The following HPCAL1 variants were observed in gnomAD, a reference collection of about 807,000 sequenced individuals.
HPCAL1 encodes hippocalcin like 1.
In HPCAL1, 8 loss-of-function variants were observed where a neutral mutation model predicts 17.1. That is an observed-to-expected ratio of 0.47 (90% confidence interval 0.27 to 0.84). The LOEUF is 0.84. Ranked by LOEUF, HPCAL1 falls within the 40% of genes least tolerant of loss-of-function variation. HPCAL1 has a pLI of 0.13. For missense variants in HPCAL1, 165 were observed against 271.1 expected (o/e 0.61, Z 2.75); for synonymous variants, 112 against 111.4 (o/e 1.01, Z -0.03).
At chr2:10,411,586 C>T (rs1183636961) in intron 2 of HPCAL1, among the ~76,000 whole-genome samples, 2 of 152,200 alleles carry the variant, frequency 1.3e-5, no homozygotes, top group African/African-American at 4.8e-5. Context: ...ACTTTATTCA[C>T]TTTTTATGCC....
intron 3 of HPCAL1, among the ~76,000 whole-genome samples, chr2:10,420,737 C>T (rs1460760212): frequency 6.6e-6 from 1 of 152,136 alleles, no homozygotes; most frequent in Non-Finnish European, 1.5e-5. Flanking sequence ...GTCTGAGACT[C>T]AAATAGATGA....
intron 1 of HPCAL1, among the ~76,000 whole-genome samples, chr2:10,371,466 C>G (rs1190210695): frequency 6.6e-6 from 1 of 152,074 alleles, no homozygotes; most frequent in African/African-American, 2.4e-5. Flanking sequence ...GATAGCCCCA[C>G]CTGGGTAGGA....
intron 1 of HPCAL1, among the ~76,000 whole-genome samples, chr2:10,352,120 C>T (rs1170832192): frequency 2.6e-5 from 4 of 152,058 alleles, no homozygotes; most frequent in Admixed American, 6.5e-5. Context: ...CCAGGCTGGT[C>T]GCAAACTCCT....
At chr2:10,335,882 A>T (rs1193832412) in intron 1 of HPCAL1, among the ~76,000 whole-genome samples, 1 of 152,190 alleles carries the variant, frequency 6.6e-6, no homozygotes, top group Non-Finnish European at 1.5e-5. Flanking sequence ...GAAGTTGGAC[A>T]TATTTTCGAT....
intron 1 of HPCAL1, among the ~76,000 whole-genome samples, chr2:10,319,322 A>C (rs1197607465): frequency 6.6e-6 from 1 of 151,976 alleles, no homozygotes; most frequent in African/African-American, 2.4e-5. Flanking sequence ...GGGAAATGGG[A>C]CGATGTTTGA....
intron 1 of HPCAL1, among the ~76,000 whole-genome samples, chr2:10,368,355 G>A (rs924658331): frequency 6.6e-6 from 1 of 152,116 alleles, no homozygotes; most frequent in Non-Finnish European, 1.5e-5. Flanking sequence ...GTTTGTGTGT[G>A]TGTGTGCATA....
Position 10,426,848 on chromosome 2 carries a change from G to A in HPCAL1, c.*27G>A. The A allele has an allele frequency of 1.3e-6, 2 of 1,579,174 alleles. No homozygotes were observed. The highest frequency in any genetic ancestry group is 1.7e-6 in the Non-Finnish European group (2 of 1,149,198). ...CGAGCGGCCCCTGGACAGTTGCAGAGAAACACAGGCTTGTCGTGCCGTTTA... is the reference window on the plus strand; with the variant it reads ...CGAGCGGCCCCTGGACAGTTGCAGAAAAACACAGGCTTGTCGTGCCGTTTA... On this transcript the variant is annotated 3_prime_UTR_variant, in exon 5 of 5. Transcript: ENST00000307845.
chr2:10,398,546 G>GGTA (rs1669208631), intron 2 of HPCAL1, among the ~76,000 whole-genome samples: 1 of 152,166 alleles, frequency 6.6e-6, no homozygotes, highest in African/African-American at 2.4e-5. Flanking sequence ...CTGTGGCCCT[G>GGTA]GTAGATGTGA....
chr2:10,309,028 G>T (rs1662794344), intron 1 of HPCAL1, among the ~76,000 whole-genome samples: 1 of 151,540 alleles, frequency 6.6e-6, no homozygotes, highest in Admixed American at 6.6e-5. Context: ...GTGAGACCCT[G>T]CTTCTTAACA....
At chr2:10,378,223 G>GTTTTTTT (rs58697364) in intron 1 of HPCAL1, among the ~76,000 whole-genome samples, 12 of 96,264 alleles carry the variant, frequency 1.2e-4, no homozygotes, top group East Asian at 3.8e-4. Context: ...GTGGTTTCAT[G>GTTTTTTT]TTTTTTTTTT....
chr2:10,417,859 T>G, intron 2 of HPCAL1, among the ~76,000 whole-genome samples: 1 of 150,352 alleles, frequency 6.7e-6, no homozygotes, highest in Non-Finnish European at 1.5e-5. Context: ...CTGGGCAAAA[T>G]AGTGAGGCCC....
intron 2 of HPCAL1, chr2:10,408,837 T>C (rs956199169): frequency 2.0e-5 from 3 of 152,216 alleles, no homozygotes; most frequent in African/African-American, 7.2e-5. Flanking sequence ...GAGTCCCTGT[T>C]TGGTAGCCCC....
chr2:10,317,277 A>C (rs1010821751), intron 1 of HPCAL1, among the ~76,000 whole-genome samples: 1 of 152,170 alleles, frequency 6.6e-6, no homozygotes, highest in Non-Finnish European at 1.5e-5. Flanking sequence ...ACATAACCCT[A>C]CCTTTTCCTA....
At chr2:10,415,947 C>T (rs1670639564) in intron 2 of HPCAL1, among the ~76,000 whole-genome samples, 1 of 152,212 alleles carries the variant, frequency 6.6e-6, no homozygotes, top group African/African-American at 2.4e-5. Flanking sequence ...AACCCGAGGG[C>T]CAGGGCAGAA....
At chr2:10,340,562 C>T (rs1291164535) in intron 1 of HPCAL1, among the ~76,000 whole-genome samples, 1 of 152,186 alleles carries the variant, frequency 6.6e-6, no homozygotes, top group Non-Finnish European at 1.5e-5. Context: ...TACCTGTTGG[C>T]ACCATGGGGA....
intron 1 of HPCAL1, among the ~76,000 whole-genome samples, chr2:10,349,008 C>T (rs532578145): frequency 7.2e-5 from 11 of 152,308 alleles, no homozygotes; most frequent in African/African-American, 2.2e-4. Flanking sequence ...AAAGTAGCCA[C>T]GCATTTGAGC....
In HPCAL1 at chr2:10,359,649, G is replaced by A. The variant is rs1252269533; in HGVS notation, c.-110-37186G>A. ...AGGACCAAGCTCTGGTGGCCTTCCA[G>A]GCCCACTCAGTGGCTGGCGGTCCCA... On this transcript the variant is annotated intron_variant, in intron 1 of 4. Coordinates refer to ENST00000307845, the MANE Select transcript of HPCAL1 (RefSeq NM_002149.4). This position sits in a 1 kb window ranked among gnomAD's most constrained non-coding sequence, Gnocchi z 4.1. Among the ~76,000 whole-genome samples the A allele has an allele frequency of 1.3e-5, 2 of 152,208 alleles. No individual in the cohort carries two copies. The highest frequency in any genetic ancestry group is 2.9e-5 in the Non-Finnish European group (2 of 68,036).
intron 1 of HPCAL1, among the ~76,000 whole-genome samples, chr2:10,334,985 C>T (rs11885781): frequency 0.06 from 9,113 of 152,238 alleles, 755 homozygotes; most frequent in African/African-American, 0.19. Context: ...CCCCCATTGT[C>T]TAAATAAGCC....
chr2:10,421,842 T>G (rs1671081078), intron 3 of HPCAL1, among the ~76,000 whole-genome samples: 1 of 152,194 alleles, frequency 6.6e-6, no homozygotes, highest in African/African-American at 2.4e-5. Flanking sequence ...GCCTCAGGAA[T>G]GAGCGACCCA....
Sources: allele counts gnomAD v4.1 joint callset (sites outside exome capture counted in the v4.1 genomes callset), GRCh38; gene constraint gnomAD v4.1.1; non-coding constraint Gnocchi (gnomAD v3.1); transcripts MANE v1.5; gene names NCBI Gene and HGNC (gene_info 2026-07-23, HGNC 2026-07-21).